Variants in RAB40C observed in about 807,000 individuals in gnomAD.
RAB40C encodes the protein ras-related protein Rab-40C.
Under a neutral mutation model 28.1 loss-of-function variants are expected in RAB40C, and 8 were observed. That is an observed-to-expected ratio of 0.28 (90% CI 0.17 to 0.51). The LOEUF (loss-of-function observed/expected upper bound fraction) is 0.51, where lower values mean the gene tolerates loss of function less well. Ranked by LOEUF, RAB40C falls within the 20% of genes least tolerant of loss-of-function variation. RAB40C has a pLI of 0.97. For synonymous variants in RAB40C, 201 were observed against 171.7 expected, an observed-to-expected ratio of 1.17 and a Z score of -1.34; for missense variants, 288 against 405.9, an observed-to-expected ratio of 0.71 and a Z score of 2.50.
intron 1 of RAB40C, among the ~76,000 whole-genome samples, chr16:615,604 C>T (rs2036569911): frequency 6.6e-6 from 1 of 152,212 alleles, no homozygotes; most frequent in South Asian, 2.1e-4. Context: ...CCAGAACTGT[C>T]TGCTCCTTTC....
intron 3 of RAB40C, among the ~76,000 whole-genome samples, chr16:618,612 T>G (rs1458501294): frequency 1.3e-5 from 2 of 150,874 alleles, no homozygotes; most frequent in Non-Finnish European, 3.0e-5. Context: ...TGCAGCCATG[T>G]GCACAGGTCT....
chr16:604,710 T>C (rs964081634), intron 1 of RAB40C, among the ~76,000 whole-genome samples: 2 of 152,244 alleles, frequency 1.3e-5, no homozygotes, highest in Admixed American at 6.5e-5. Context: ...TTTTAATTTA[T>C]AAGCTTGCCC....
intron 1 of RAB40C, among the ~76,000 whole-genome samples, chr16:596,075 T>C (rs1328087669): frequency 6.6e-6 from 1 of 152,254 alleles, no homozygotes; most frequent in Non-Finnish European, 1.5e-5. Context: ...CTCTAAGCGC[T>C]CACAGGCAAC....
chr16:596,900 G>A (rs576855108), intron 1 of RAB40C, among the ~76,000 whole-genome samples: 12 of 152,300 alleles, frequency 7.9e-5, no homozygotes, highest in Non-Finnish European at 1.2e-4. Flanking sequence ...GGATGGCGGC[G>A]CACTCTGATA....
rs564959862 is a variant in RAB40C at position 626,180 on chromosome 16, A to G, written c.565+59A>G. 6.6e-6 allele frequency: 10 copies of G among 1,507,958 alleles called. No homozygotes were observed. In the East Asian group the frequency reaches 1.1e-4, roughly 17 times the overall value. The allele number at this position is 1,507,958 out of a possible 1,614,324, so 93.4% of individuals were successfully genotyped here. A position where few individuals can be genotyped will look rare whatever the true frequency, so the allele number is the denominator to read the frequency against. ...CCCGAACCTGGGCTGCCCTGATCAC[A>G]TGGAGGCTGAGGGGGGCCAGGGGCC... On this transcript the variant is annotated intron_variant, in intron 5 of 5. Transcript: ENST00000248139.
chr16:622,060 T>C (rs2036730111), intron 3 of RAB40C, among the ~76,000 whole-genome samples: 1 of 152,146 alleles, frequency 6.6e-6, no homozygotes, highest in Non-Finnish European at 1.5e-5. Context: ...GCCACATGGG[T>C]GGAAGGGGCA....
intron 1 of RAB40C, among the ~76,000 whole-genome samples, chr16:595,066 G>A (rs2036084257): frequency 6.6e-6 from 1 of 152,132 alleles, no homozygotes. Flanking sequence ...TGATCCACCT[G>A]CCTCGGGGGT....
At chr16:595,457 C>T (rs1193121625) in intron 1 of RAB40C, among the ~76,000 whole-genome samples, 1 of 152,226 alleles carries the variant, frequency 6.6e-6, no homozygotes, top group Non-Finnish European at 1.5e-5. Context: ...TGCCACACAC[C>T]TGCTTCTGCT....
intron 1 of RAB40C, among the ~76,000 whole-genome samples, chr16:603,567 C>T (rs142716551): frequency 2.0e-3 from 297 of 152,306 alleles, no homozygotes; most frequent in African/African-American, 6.8e-3. Context: ...CTTAGACCTC[C>T]AAATTCAAAG....
At position 627,936 on chromosome 16, in the gene RAB40C, T is replaced by G; in HGVS notation, c.*314T>G. On this transcript the variant is annotated 3_prime_UTR_variant, in exon 6 of 6. Coordinates refer to ENST00000248139, the MANE Select transcript of RAB40C (RefSeq NM_021168.5). Reference sequence around the variant, plus strand: ...CCTTTCTTATTTATATAGAGAACACTTCACTTTTTTGTACATTTTTAAGGG... The same window carrying G: ...CCTTTCTTATTTATATAGAGAACACGTCACTTTTTTGTACATTTTTAAGGG... The G allele has an allele frequency of 2.9e-6, 1 of 340,558 alleles. No individual in the cohort carries two copies. The highest frequency in any genetic ancestry group is 5.3e-6 in the Non-Finnish European group (1 of 188,608). 21.1% of individuals were successfully genotyped at this position (340,558 alleles called of 1,614,324 possible).
At chr16:603,969 G>T (rs2036306354) in intron 1 of RAB40C, among the ~76,000 whole-genome samples, 1 of 152,052 alleles carries the variant, frequency 6.6e-6, no homozygotes, top group Non-Finnish European at 1.5e-5. Flanking sequence ...GTTTGTTTAT[G>T]CATTTACCTT....
At chr16:590,465 G>A in intron 1 of RAB40C, 32 bp downstream of exon 1, 1 of 1,525,164 alleles carries the variant, frequency 6.6e-7, no homozygotes, top group Non-Finnish European at 8.8e-7. Flanking sequence ...GCGCTGCTAC[G>A]CGGGGCCCGA....
At chr16:619,044 T>C in intron 3 of RAB40C, among the ~76,000 whole-genome samples, 1 of 131,466 alleles carries the variant, frequency 7.6e-6, no homozygotes, top group African/African-American at 3.0e-5. Flanking sequence ...CTTGGAGCTG[T>C]GTGTGTGCAC....
intron 4 of RAB40C, 124 bp from the exon 5 acceptor site, chr16:625,775 C>G (rs1157431126): frequency 1.9e-6 from 2 of 1,047,198 alleles, no homozygotes; most frequent in Admixed American, 4.4e-5. Context: ...CCTTGACCTC[C>G]GCCCACCTTG....
chr16:624,802 T>C, intron 3 of RAB40C: 2 of 985,426 alleles, frequency 2.0e-6, no homozygotes, highest in East Asian at 1.1e-4. Flanking sequence ...GTGTGAGCAG[T>C]GTGCTCCCCT....
At chr16:592,683 G>A (rs2036028125) in intron 1 of RAB40C, among the ~76,000 whole-genome samples, 2 of 152,264 alleles carry the variant, frequency 1.3e-5, no homozygotes, top group Admixed American at 6.5e-5. Context: ...GGCTGGCGGC[G>A]TGCGTGTTTG....
intron 1 of RAB40C, among the ~76,000 whole-genome samples, chr16:595,153 T>G (rs967817309): frequency 3.9e-5 from 6 of 152,174 alleles, no homozygotes; most frequent in South Asian, 2.1e-4. Flanking sequence ...CAGGGTGGTG[T>G]TGTGGGAGGA....
chr16:623,452 A>T (rs959749624), intron 3 of RAB40C, among the ~76,000 whole-genome samples: 1 of 151,672 alleles, frequency 6.6e-6, no homozygotes, highest in African/African-American at 2.4e-5. Context: ...GATCAAGACC[A>T]TCCTGGCTAA....
intron 1 of RAB40C, among the ~76,000 whole-genome samples, chr16:607,523 G>GA (rs2036386181): frequency 6.6e-6 from 1 of 150,922 alleles, no homozygotes; most frequent in African/African-American, 2.4e-5. Context: ...AAAACGGGGG[G>GA]CCGGGCGCGG....
Sources: allele counts gnomAD v4.1 joint callset (sites outside exome capture counted in the v4.1 genomes callset), GRCh38; gene constraint gnomAD v4.1.1; transcripts MANE v1.5; gene names NCBI Gene and HGNC (gene_info 2026-07-23, HGNC 2026-07-21).